Variants in GOLGB1 observed in about 807,000 individuals in gnomAD.
The protein encoded by GOLGB1 is golgin B1.
GOLGB1 carries 174 observed loss-of-function variants against 336.9 expected under a neutral mutation model. That is an observed-to-expected ratio of 0.52 (90% CI 0.46 to 0.59). The LOEUF (loss-of-function observed/expected upper bound fraction) is 0.59, where lower values mean the gene tolerates loss of function less well. GOLGB1 is among the 20% of genes least tolerant of loss of function. GOLGB1 has a pLI of 0.00. For missense variants in GOLGB1, 3,331 were observed against 3,645.3 expected, an observed-to-expected ratio of 0.91 and a Z score of 2.22; for synonymous variants, 1,208 against 1,289.2, an observed-to-expected ratio of 0.94 and a Z score of 1.35.
In GOLGB1 at chr3:121,719,655, C is replaced by T. The variant is rs1480295574; in HGVS notation, c.762G>A (p.Glu254=). The change falls in exon 7 of 22, where the codon GAG becomes GAA. Residue 254 remains glutamate, a synonymous_variant. Coordinates refer to ENST00000614479, the MANE Select transcript of GOLGB1 (RefSeq NM_001366282.2). ...AGTTTTAGCAACACACCTGTTGCAT[C>T]TCTGTTTCCACATCTGCCTGGGTTA... ...QLVTQADVET[E]MQQKLRVLQR... 6.2e-7 allele frequency: 1 copy of T among 1,606,910 alleles called. No homozygotes were observed.
At chr3:121,746,792 T>C (rs1425272707) in intron 1 of GOLGB1, among the ~76,000 whole-genome samples, 1 of 152,060 alleles carries the variant, frequency 6.6e-6, no homozygotes, top group Non-Finnish European at 1.5e-5. Context: ...ACTCACTTTA[T>C]TCTTAAAACA....
Position 121,683,053 on chromosome 3 carries a change from A to ATTTTTTTTTTTTTTTTTTTTTTT in GOLGB1, c.8695-1211_8695-1189dup, listed in dbSNP as rs746649684. Among the ~76,000 whole-genome samples, 39 of 82,498 alleles carry ATTTTTTTTTTTTTTTTTTTTTTT rather than the reference A, an allele frequency of 4.7e-4. 7 individuals are homozygous for ATTTTTTTTTTTTTTTTTTTTTTT. Among genetic ancestry groups the ATTTTTTTTTTTTTTTTTTTTTTT allele is most frequent in the Non-Finnish European group, 7.5e-4 (31 of 41,534 alleles). The allele number at this position is 82,498 out of a possible 152,430, so 54.1% of individuals were successfully genotyped here. ...GCTGCTTAAGAAGCAATTTCTTTTAATTTTTTTTTTTTTTTTTTTTTTTTT... is the reference window on the plus strand; with the variant it reads ...GCTGCTTAAGAAGCAATTTCTTTTAATTTTTTTTTTTTTTTTTTTTTTTTTTTTTTTTTTTTTTTTTTTTTTTT... On this transcript the variant is annotated intron_variant, in intron 14 of 21. Transcript: ENST00000614479.
intron 12 of GOLGB1, 28 bp from the exon 13 acceptor site, chr3:121,698,957 G>A: frequency 6.9e-7 from 1 of 1,455,418 alleles, no homozygotes; most frequent in South Asian, 1.4e-5. Context: ...AAAAAAAGCT[G>A]TAATCAAATG....
chr3:121,730,849 A>G (rs770860686), intron 2 of GOLGB1, 27 bp downstream of exon 2: 1 of 1,592,216 alleles, frequency 6.3e-7, no homozygotes, highest in South Asian at 1.1e-5. Flanking sequence ...ATGTCTTACC[A>G]GTTTAAATCA....
chr3:121,698,544 T>A lies in GOLGB1; in HGVS notation c.1979A>T (p.Asn660Ile), dbSNP rs111927128. The A allele has an allele frequency of 3.8e-5, 61 of 1,613,948 alleles. No individual in the cohort carries two copies. The African/African-American group carries it at 6.5e-4, about 17-fold the overall frequency. ...TGATTTCAATTCTACTCCAGCATCA[T>A]TTAAAGATATTTCCTCAGATGTTCT... Reference protein sequence around the residue: ...QSRTSEEISLNDAGVELKSTK... With the variant: ...QSRTSEEISLIDAGVELKSTK... Residue 660 changes from asparagine (N) to isoleucine (I), a missense_variant, in exon 13 of 22, where the codon AAT becomes ATT. By Grantham distance (149) the Asn-to-Ile change is moderately radical. Transcript: ENST00000614479.
chr3:121,689,454 A>G (rs1268517699), intron 14 of GOLGB1, among the ~76,000 whole-genome samples: 3 of 147,272 alleles, frequency 2.0e-5, no homozygotes, highest in African/African-American at 5.0e-5. Flanking sequence ...TGAAGGCAGC[A>G]TGCTCGTTAA....
chr3:121,696,974 C>A lies in GOLGB1; in HGVS notation c.3549G>T (p.Lys1183Asn), dbSNP rs975878509. The change falls in exon 13 of 22, where the codon AAG (lysine) becomes AAT (asparagine). Residue 1183 changes from lysine to asparagine, a missense_variant. By Grantham distance (94) the Lys-to-Asn change is moderately conservative. Transcript: ENST00000614479. ...GGGAGGTTAAGGCTTCCTGTAGCTT[C>A]TTTTGAAGTTGCTCCTTTTCTTTTT... is the stretch of plus-strand genomic sequence containing the variant. ...ALEKEKEQLQ[K>N]KLQEALTSRK... is the part of the protein sequence containing the mutation. The A allele has an allele frequency of 6.2e-7, 1 of 1,613,954 alleles. No individual in the cohort carries two copies.
At chr3:121,734,876 G>T (rs932949106) in intron 1 of GOLGB1, among the ~76,000 whole-genome samples, 1 of 152,136 alleles carries the variant, frequency 6.6e-6, no homozygotes, top group African/African-American at 2.4e-5. Flanking sequence ...CATAATCACA[G>T]ATTCTGAAAA....
rs775035524 is a variant in GOLGB1 at position 121,698,833 on chromosome 3, A to C, written c.1690T>G (p.Leu564Val). The part of the protein sequence containing the change: ...ENTFSQKHKE[L>V]SVLLLEMKEA... ...TTCATTTCCAACAATAAAACTGATA[A>C]TTCTTTATGTTTCTGAGAAAATGTG... Residue 564 changes from leucine (L) to valine (V), a missense_variant, in exon 13 of 22, where the codon TTA becomes GTA. By Grantham distance (32) the Leu-to-Val change is conservative. Coordinates refer to ENST00000614479, the MANE Select transcript of GOLGB1 (RefSeq NM_001366282.2). 45 of 1,612,252 alleles carry C rather than the reference A, an allele frequency of 2.8e-5. No homozygotes were observed. Among genetic ancestry groups the C allele is most frequent in the Non-Finnish European group, 3.8e-5 (45 of 1,178,814 alleles).
chr3:121,747,186 A>ATATATG (rs1947361889), intron 1 of GOLGB1, among the ~76,000 whole-genome samples: 2 of 118,674 alleles, frequency 1.7e-5, no homozygotes, highest in African/African-American at 6.3e-5. Context: ...ATATATATAT[A>ATATATG]TATATATGGA....
chr3:121,722,127 C>T (rs1945239588), intron 6 of GOLGB1, 135 bp downstream of exon 6: 4 of 606,060 alleles, frequency 6.6e-6, no homozygotes, highest in Non-Finnish European at 9.1e-6. Context: ...ACATATCCTT[C>T]TAATTTCTAG....
At chr3:121,667,403 C>A in intron 20 of GOLGB1, 73 bp downstream of exon 20, 1 of 1,456,138 alleles carries the variant, frequency 6.9e-7, no homozygotes, top group South Asian at 1.3e-5. Context: ...AATCCTAAGT[C>A]TGGCAGGAAA....
chr3:121,669,194 C>T lies in GOLGB1; in HGVS notation c.9321+18G>A, dbSNP rs759719970. On this transcript the variant is annotated intron_variant, in intron 18 of 21. Transcript: ENST00000614479. ...TTTCATCACACTTCTCCCAGTCTCT[C>T]ACCTTCTCTTTACTCACCGCCTGCA... 1.2e-5 allele frequency: 19 copies of T among 1,612,490 alleles called. No individual in the cohort carries two copies. The highest frequency in any genetic ancestry group is 1.7e-5 in the Admixed American group (1 of 59,918).
chr3:121,689,025 G>GC (rs1200926109), intron 14 of GOLGB1, among the ~76,000 whole-genome samples: 6 of 150,624 alleles, frequency 4.0e-5, no homozygotes, highest in South Asian at 2.1e-4. Flanking sequence ...GGGGGGGTCA[G>GC]CCCCCCGCCC....
intron 1 of GOLGB1, among the ~76,000 whole-genome samples, chr3:121,745,343 T>C (rs1947186118): frequency 6.9e-6 from 1 of 144,288 alleles, no homozygotes; most frequent in African/African-American, 2.6e-5. Context: ...TATACATATG[T>C]ACACGTGTAT....
intron 4 of GOLGB1, among the ~76,000 whole-genome samples, chr3:121,727,389 T>C (rs1168507289): frequency 2.4e-5 from 3 of 127,318 alleles, no homozygotes; most frequent in African/African-American, 6.0e-5. Flanking sequence ...GTGGACAATA[T>C]AGAAAACAGC....
At chr3:121,740,811 A>G (rs1206327545) in intron 1 of GOLGB1, among the ~76,000 whole-genome samples, 2 of 152,178 alleles carry the variant, frequency 1.3e-5, no homozygotes, top group African/African-American at 4.8e-5. Flanking sequence ...ATGAAAAACC[A>G]TAATCCAAGA....
intron 2 of GOLGB1, 177 bp downstream of exon 2, chr3:121,730,699 G>C (rs1946033187): frequency 3.7e-6 from 2 of 545,754 alleles, no homozygotes; most frequent in African/African-American, 3.9e-5. Flanking sequence ...CATCACTGTG[G>C]CTTTTAAGCT....
chr3:121,704,551 G>A (rs948885145), intron 10 of GOLGB1, among the ~76,000 whole-genome samples: 3 of 152,158 alleles, frequency 2.0e-5, no homozygotes, highest in African/African-American at 7.2e-5. Flanking sequence ...GGCGAGGCAG[G>A]TGGATCATCT....
Sources: gnomAD v4.1 joint callset for allele counts (sites outside exome capture counted in the v4.1 genomes callset) on GRCh38, gnomAD v4.1.1 for gene constraint, MANE v1.5 for transcripts, NCBI Gene and HGNC (gene_info 2026-07-23, HGNC 2026-07-21) for gene names.